CDK5RAP1: variants seen among roughly 807,000 people sequenced by gnomAD.
CDK5RAP1 encodes the protein CDK5RAP1 mitochondrial tRNA methylthiotransferase, also known as mitochondrial tRNA methylthiotransferase CDK5RAP1.
CDK5RAP1 carries 62 observed loss-of-function variants against 64.5 expected under a neutral mutation model. The ratio of observed to expected loss-of-function variants is 0.96; its 90% CI spans 0.78 to 1.19. CDK5RAP1 has a LOEUF of 1.19. CDK5RAP1 is among the 50% of genes most tolerant of loss of function. The probability of loss-of-function intolerance (pLI) is 0.00; values close to 1 mark genes in which losing one functional copy is unlikely to be tolerated. For missense variants in CDK5RAP1, 657 were observed against 735.0 expected (o/e 0.89, Z 1.23); for synonymous variants, 250 against 261.9 (o/e 0.95, Z 0.44).
chr20:33,401,556 C>T, upstream of CDK5RAP1: 1 of 976,358 alleles, frequency 1.0e-6, no homozygotes, highest in Non-Finnish European at 1.2e-6. Context: ...CAGGCCGGGT[C>T]ATGCTAACGG....
chr20:33,382,072 G>A (rs568031220), intron 7 of CDK5RAP1, among the ~76,000 whole-genome samples: 13 of 152,186 alleles, frequency 8.5e-5, no homozygotes, highest in South Asian at 8.3e-4. Context: ...GAACTCCTAC[G>A]CTCAAGGCAC....
chr20:33,395,887 A>T (rs2146724287), intron 2 of CDK5RAP1, among the ~76,000 whole-genome samples: 2 of 151,080 alleles, frequency 1.3e-5, no homozygotes. Flanking sequence ...GGTGGCGTGC[A>T]CCTGTAATCC....
At position 33,396,640 on chromosome 20, in the gene CDK5RAP1, T is replaced by C. The variant is rs1988919559; in HGVS notation, c.304+121A>G. The C allele has an allele frequency of 1.7e-5, 13 of 761,266 alleles. No homozygotes were observed. In the South Asian group the frequency reaches 2.0e-4, roughly 12 times the overall value. The allele number at this position is 761,266 out of a possible 1,614,324, so 47.2% of individuals were successfully genotyped here. A position where few individuals can be genotyped will look rare whatever the true frequency, so the allele number is the denominator to read the frequency against. On this transcript the variant is annotated intron_variant, in intron 2 of 13. Transcript: ENST00000346416. ...AATATTACTTGGTGGAGTCTAATGA[T>C]TCCCACAGCCTTCCCACACTGTTAA...
chr20:33,394,686 G>C (rs1239325142), intron 3 of CDK5RAP1, among the ~76,000 whole-genome samples: 2 of 151,954 alleles, frequency 1.3e-5, no homozygotes, highest in African/African-American at 4.8e-5. Context: ...GTGGCATTAA[G>C]AACATCTGCA....
intron 13 of CDK5RAP1, chr20:33,359,769 T>A (rs1483919479): frequency 1.3e-5 from 2 of 154,836 alleles, no homozygotes; most frequent in African/African-American, 4.8e-5. Context: ...GAAGCAGATA[T>A]GAGAACAAGA....
At chr20:33,389,022 T>C (rs1361514373) in intron 5 of CDK5RAP1, among the ~76,000 whole-genome samples, 1 of 152,194 alleles carries the variant, frequency 6.6e-6, no homozygotes, top group Admixed American at 6.5e-5. Context: ...AGTGCCGAGA[T>C]TGCAGCCTCT....
chr20:33,359,132 A>C lies in CDK5RAP1; in HGVS notation c.1684-9T>G. The C allele has an allele frequency of 6.2e-7, 1 of 1,610,700 alleles. No homozygotes were observed. Among genetic ancestry groups the C allele is most frequent in the South Asian group, 1.1e-5 (1 of 91,000 alleles). On this transcript the variant is annotated splice_polypyrimidine_tract_variant and intron_variant, in intron 13 of 13. Coordinates refer to ENST00000346416, the MANE Select transcript of CDK5RAP1 (RefSeq NM_016408.4). ...GAACTGGCTGAGGTGATCTGAAAGA[A>C]AACCAGGCAGAAGAAGGCAAAATAA...
At chr20:33,369,230 T>C (rs1000841508) in intron 11 of CDK5RAP1, among the ~76,000 whole-genome samples, 11 of 151,696 alleles carry the variant, frequency 7.3e-5, no homozygotes, top group African/African-American at 2.4e-4. Context: ...ACACCTGTAA[T>C]CCCAGCACTT....
At chr20:33,363,439 G>C (rs994148929) in intron 12 of CDK5RAP1, among the ~76,000 whole-genome samples, 3 of 152,150 alleles carry the variant, frequency 2.0e-5, no homozygotes, top group Admixed American at 6.6e-5. Context: ...TTATCTAGGA[G>C]AATGTCCCTG....
At chr20:33,361,025 T>C (rs1205410815) in intron 12 of CDK5RAP1, among the ~76,000 whole-genome samples, 1 of 152,178 alleles carries the variant, frequency 6.6e-6, no homozygotes, top group East Asian at 1.9e-4. Flanking sequence ...CCAGCCATGG[T>C]AAAGAGACAG....
chr20:33,379,851 A>G (rs936927794), intron 7 of CDK5RAP1, among the ~76,000 whole-genome samples, 160 bp from the exon 8 acceptor site: 1 of 152,194 alleles, frequency 6.6e-6, no homozygotes, highest in Admixed American at 6.5e-5. Flanking sequence ...TCTATAACCG[A>G]ATAATTTCAA....
At chr20:33,389,087 C>T (rs573583266) in intron 5 of CDK5RAP1, among the ~76,000 whole-genome samples, 2 of 151,800 alleles carry the variant, frequency 1.3e-5, no homozygotes, top group East Asian at 3.9e-4. Context: ...GGCCGCCCAT[C>T]GTCTGGGATG....
chr20:33,377,993 T>C (rs1986231620), intron 8 of CDK5RAP1, among the ~76,000 whole-genome samples: 1 of 152,216 alleles, frequency 6.6e-6, no homozygotes, highest in South Asian at 2.1e-4. Flanking sequence ...TGTTGTTTTC[T>C]TATCATTCAT....
In CDK5RAP1 at chr20:33,379,507, A is replaced by AT; in HGVS notation, c.1060dup (p.Met354AsnfsTer15). The AT allele has an allele frequency of 6.2e-7, 1 of 1,614,108 alleles. No homozygotes were observed. Among genetic ancestry groups the AT allele is most frequent in the Non-Finnish European group, 8.5e-7 (1 of 1,179,992 alleles). ...GTGGGGAGAGGTAAAACGGATCCTCATTTCAGGATCTACTCTGGAGACCTG... is the reference window on the plus strand; with the variant it reads ...GTGGGGAGAGGTAAAACGGATCCTCATTTTCAGGATCTACTCTGGAGACCTG... On this transcript the variant is annotated frameshift_variant, in exon 8 of 14. Coordinates refer to ENST00000346416, the MANE Select transcript of CDK5RAP1 (RefSeq NM_016408.4). LOFTEE classifies it high-confidence loss of function.
In CDK5RAP1 at chr20:33,386,018, G is replaced by A. The variant is rs545240960; in HGVS notation, c.756-248C>T. 2.6e-4 allele frequency among the ~76,000 whole-genome samples: 40 copies of A among 152,292 alleles called. No homozygotes were observed. In the East Asian group the frequency reaches 5.2e-3, roughly 20 times the overall value. ...AATGACTAGCCTGAGGAAGCACAGC[G>A]GTGAGGAGCTAGAATATACACTTAC... On this transcript the variant is annotated intron_variant, in intron 6 of 13. Transcript: ENST00000346416.
chr20:33,389,603 CG>C (rs1234714052), intron 5 of CDK5RAP1, among the ~76,000 whole-genome samples: 162 of 151,340 alleles, frequency 1.1e-3, no homozygotes, highest in African/African-American at 3.8e-3. Flanking sequence ...AGCCCCCGCC[CG>C]GCCAGCCGCC....
chr20:33,379,279 C>T (rs1336482761), intron 8 of CDK5RAP1, among the ~76,000 whole-genome samples, 182 bp downstream of exon 8: 1 of 152,090 alleles, frequency 6.6e-6, no homozygotes, highest in Non-Finnish European at 1.5e-5. Flanking sequence ...GTGTAAGCCC[C>T]GTGCCCAGCC....
chr20:33,371,292 C>A (rs1344071956), intron 10 of CDK5RAP1, among the ~76,000 whole-genome samples: 1 of 151,916 alleles, frequency 6.6e-6, no homozygotes, highest in Non-Finnish European at 1.5e-5. Flanking sequence ...ATAACCTATC[C>A]CCCACCAAAA....
intron 11 of CDK5RAP1, among the ~76,000 whole-genome samples, chr20:33,369,592 C>T (rs1198589237): frequency 6.6e-6 from 1 of 152,078 alleles, no homozygotes; most frequent in African/African-American, 2.4e-5. Context: ...GGCACAGTTA[C>T]GCTGCCCACA....
Sources: allele counts gnomAD v4.1 joint callset (sites outside exome capture counted in the v4.1 genomes callset), GRCh38; gene constraint gnomAD v4.1.1; transcripts MANE v1.5; gene names NCBI Gene and HGNC (gene_info 2026-07-23, HGNC 2026-07-21).